GALNT17: variants seen among roughly 807,000 people sequenced by gnomAD.
GALNT17 encodes polypeptide N-acetylgalactosaminyltransferase 17.
Under a neutral mutation model 63.7 loss-of-function variants are expected in GALNT17, and 29 were observed. The observed-to-expected ratio is 0.46, with a 90% CI of 0.34 to 0.62. The LOEUF is 0.62. Among genes scored for constraint, GALNT17 ranks in the 20% least tolerant of loss-of-function variants. The probability of loss-of-function intolerance (pLI) is 0.01; values close to 1 mark genes in which losing one functional copy is unlikely to be tolerated. For synonymous variants in GALNT17, 305 were observed against 318.3 expected (o/e 0.96, Z 0.45); for missense variants, 603 against 799.6 (o/e 0.75, Z 2.97).
chr7:71,349,447 A>C (rs1792153441), intron 2 of GALNT17, among the ~76,000 whole-genome samples: 1 of 152,176 alleles, frequency 6.6e-6, no homozygotes, highest in South Asian at 2.1e-4. Context: ...GGATGCAGGA[A>C]AAAGAAGACT....
chr7:71,472,497 G>A (rs1161942229), intron 5 of GALNT17, among the ~76,000 whole-genome samples: 1 of 152,068 alleles, frequency 6.6e-6, no homozygotes, highest in Admixed American at 6.6e-5. Flanking sequence ...GACCATACTG[G>A]CCAACATGGT....
chr7:71,335,737 A>G lies in GALNT17; in HGVS notation c.422+4A>G, dbSNP rs1452402073. The G allele has an allele frequency of 5.0e-6, 8 of 1,596,168 alleles. No individual in the cohort carries two copies. Among genetic ancestry groups the G allele is most frequent in the Non-Finnish European group, 6.0e-6 (7 of 1,170,402 alleles). ...TTCCGGATTATCGTCCCACCAAGTA[A>G]GTTCTGGTTCAGTCATTTGCGGAGC... On this transcript the variant is annotated splice_donor_region_variant and intron_variant, in intron 2 of 10. Transcript: ENST00000333538.
chr7:71,625,269 C>T (rs999329672), intron 6 of GALNT17, among the ~76,000 whole-genome samples: 1 of 152,108 alleles, frequency 6.6e-6, no homozygotes, highest in South Asian at 2.1e-4. Context: ...CTCAGCCTCC[C>T]GAGTAGCTGG....
Position 71,459,543 on chromosome 7 carries a change from A to G in GALNT17, c.962+38438A>G, listed in dbSNP as rs567718640. Among the ~76,000 whole-genome samples, 259 of 152,354 alleles carry G rather than the reference A, an allele frequency of 1.7e-3. 1 individual carries two copies. The highest frequency in any genetic ancestry group is 2.9e-3 in the Non-Finnish European group (199 of 68,040). ...GCCTTATAAATCATAGTCTCATCAC[A>G]TGGGTTTTATTTAACCCTATAGATC... is the stretch of plus-strand genomic sequence containing the variant. On this transcript the variant is annotated intron_variant, in intron 5 of 10. Coordinates refer to ENST00000333538, the MANE Select transcript of GALNT17 (RefSeq NM_022479.3).
chr7:71,709,460 C>T (rs569470246), intron 9 of GALNT17, among the ~76,000 whole-genome samples: 52 of 152,220 alleles, frequency 3.4e-4, no homozygotes, highest in African/African-American at 1.2e-3. Flanking sequence ...TTAGAAATCT[C>T]CTTTTTGAAA....
chr7:71,432,341 T>C (rs986566127), intron 5 of GALNT17, among the ~76,000 whole-genome samples: 6 of 152,174 alleles, frequency 3.9e-5, no homozygotes, highest in African/African-American at 1.4e-4. Context: ...ACCTGAGCCT[T>C]GGCATCCCGG....
At chr7:71,201,720 C>T (rs1289366934) in intron 1 of GALNT17, among the ~76,000 whole-genome samples, 1 of 151,884 alleles carries the variant, frequency 6.6e-6, no homozygotes, top group African/African-American at 2.4e-5. Context: ...CAACCTCCGC[C>T]TCCCGGGTTC....
At chr7:71,448,250 G>C (rs1583962027) in intron 5 of GALNT17, among the ~76,000 whole-genome samples, 1 of 152,106 alleles carries the variant, frequency 6.6e-6, no homozygotes, top group Non-Finnish European at 1.5e-5. Flanking sequence ...CTGAAATTTG[G>C]TGATGCTGTG....
At chr7:71,690,145 C>A (rs1206544514) in intron 9 of GALNT17, among the ~76,000 whole-genome samples, 1 of 152,030 alleles carries the variant, frequency 6.6e-6, no homozygotes, top group African/African-American at 2.4e-5. Flanking sequence ...CCGCCTCAGC[C>A]TCCCGAGTAG....
At position 71,185,220 on chromosome 7, in the gene GALNT17, T is replaced by A. The variant is rs533019840; in HGVS notation, c.238+52180T>A. The stretch of plus-strand genomic sequence containing the variant: ...CTCTGTCTGTCTGTCTCTCTCTCTT[T>A]CTTCAGACAGGGTCTCTCTCTGCCT... On this transcript the variant is annotated intron_variant, in intron 1 of 10. Transcript: ENST00000333538. 6.0e-5 allele frequency among the ~76,000 whole-genome samples: 9 copies of A among 150,116 alleles called. No individual in the cohort carries two copies. In the South Asian group the frequency reaches 1.9e-3, roughly 32 times the overall value.
chr7:71,223,562 CTTTTA>C (rs1004396525), intron 1 of GALNT17, among the ~76,000 whole-genome samples: 9 of 151,692 alleles, frequency 5.9e-5, no homozygotes, highest in African/African-American at 2.2e-4. Flanking sequence ...TTTAAAAAAA[CTTTTA>C]TTTTAGGTTC....
intron 5 of GALNT17, among the ~76,000 whole-genome samples, chr7:71,561,786 G>A (rs1789260273): frequency 6.6e-6 from 1 of 152,018 alleles, no homozygotes; most frequent in African/African-American, 2.4e-5. Flanking sequence ...AGGTGACTGA[G>A]ACAGCGAGCC....
At chr7:71,699,562 C>T (rs1791599783) in intron 9 of GALNT17, among the ~76,000 whole-genome samples, 1 of 151,454 alleles carries the variant, frequency 6.6e-6, no homozygotes, top group African/African-American at 2.4e-5. Flanking sequence ...TTATGTCAGG[C>T]AAATTCTAAA....
chr7:71,554,090 G>T (rs563445486), intron 5 of GALNT17, among the ~76,000 whole-genome samples: 257 of 152,280 alleles, frequency 1.7e-3, no homozygotes, highest in African/African-American at 5.7e-3. Flanking sequence ...CCACCCAGTG[G>T]GTACCCTCCT....
At chr7:71,428,239 G>A (rs1786796277) in intron 5 of GALNT17, among the ~76,000 whole-genome samples, 1 of 152,144 alleles carries the variant, frequency 6.6e-6, no homozygotes, top group African/African-American at 2.4e-5. Context: ...CCATTAAGCA[G>A]TCACTTCCTA....
intron 5 of GALNT17, among the ~76,000 whole-genome samples, chr7:71,517,157 G>A (rs1788458506): frequency 6.6e-6 from 1 of 152,310 alleles, no homozygotes; most frequent in East Asian, 1.9e-4. Context: ...TCACAGTTCT[G>A]AGGCTGGGAC....
chr7:71,452,715 G>A lies in GALNT17; in HGVS notation c.962+31610G>A, dbSNP rs972463733. Among the ~76,000 whole-genome samples, 3 of 152,288 alleles carry A rather than the reference G, an allele frequency of 2.0e-5. No homozygotes were observed. In the South Asian group the frequency reaches 6.2e-4, roughly 32 times the overall value. ...GTTCCTGAGAAGCAGTATGAACTGA[G>A]CAGAGCAGGGGGTGACTCTGTCTAC... is the stretch of plus-strand genomic sequence containing the variant. On this transcript the variant is annotated intron_variant, in intron 5 of 10. Coordinates refer to ENST00000333538, the MANE Select transcript of GALNT17 (RefSeq NM_022479.3).
At chr7:71,446,866 C>G (rs904135272) in intron 5 of GALNT17, among the ~76,000 whole-genome samples, 1 of 152,152 alleles carries the variant, frequency 6.6e-6, no homozygotes, top group Non-Finnish European at 1.5e-5. Context: ...TTTAAATATG[C>G]CTTTTGTTTA....
In GALNT17 at chr7:71,386,252, T is replaced by C. The variant is rs371046412; in HGVS notation, c.423-1983T>C. Among the ~76,000 whole-genome samples, 8 of 152,216 alleles carry C rather than the reference T, an allele frequency of 5.3e-5. No individual in the cohort carries two copies. In the East Asian group the frequency reaches 5.8e-4, roughly 11 times the overall value. On this transcript the variant is annotated intron_variant, in intron 2 of 10. Transcript: ENST00000333538. ...TATTTTCTTCTGAAAATTGCCTACA[T>C]GATTAATATGGCCTGACATAGCCCA... is the stretch of plus-strand genomic sequence containing the variant.
Sources: allele counts gnomAD v4.1 joint callset (sites outside exome capture counted in the v4.1 genomes callset), GRCh38; gene constraint gnomAD v4.1.1; transcripts MANE v1.5; gene names NCBI Gene and HGNC (gene_info 2026-07-23, HGNC 2026-07-21).